Variants in H2BN1 observed in about 807,000 individuals in gnomAD.
H2BN1 encodes H2B.N variant histone 1.
chr17:32,903,768 T>G, the H2BN1 span, among the ~76,000 whole-genome samples: 1 of 152,210 alleles, frequency 6.6e-6, no homozygotes, highest in South Asian at 2.1e-4. Context: ...TTACATAAAC[T>G]CTGGCAAGTA....
At chr17:32,903,963 T>A in the H2BN1 span, among the ~76,000 whole-genome samples, 10 of 152,370 alleles carry the variant, frequency 6.6e-5, no homozygotes, top group Admixed American at 5.9e-4. Context: ...CTAAGTTGTT[T>A]CACCCTCTTA....
chr17:32,897,105 G>A, the H2BN1 span, among the ~76,000 whole-genome samples: 2 of 152,260 alleles, frequency 1.3e-5, no homozygotes, highest in South Asian at 4.1e-4. Context: ...GATATTGGTT[G>A]GATAAATGTA....
chr17:32,897,042 G>T, the H2BN1 span, among the ~76,000 whole-genome samples: 699 of 152,240 alleles, frequency 4.6e-3, 9 homozygotes, highest in African/African-American at 0.015. Flanking sequence ...ACCTCCCAAG[G>T]CTTGGGTCTG....
At chr17:32,899,666 A>T in the H2BN1 span, among the ~76,000 whole-genome samples, 1 of 152,240 alleles carries the variant, frequency 6.6e-6, no homozygotes, top group African/African-American at 2.4e-5. Flanking sequence ...AATACTCATA[A>T]ATAGTTTGTA....
chr17:32,899,149 C>T, the H2BN1 span, among the ~76,000 whole-genome samples: 13 of 152,158 alleles, frequency 8.5e-5, no homozygotes, highest in East Asian at 1.9e-3. Context: ...TTATTAAAGA[C>T]AAATCATGGT....
At chr17:32,901,277 A>G in the H2BN1 span, among the ~76,000 whole-genome samples, 2 of 152,172 alleles carry the variant, frequency 1.3e-5, no homozygotes, top group African/African-American at 4.8e-5. Flanking sequence ...ACTTTTATTA[A>G]GGAGTCAGTT....
chr17:32,897,072 A>C, the H2BN1 span, among the ~76,000 whole-genome samples: 2 of 152,154 alleles, frequency 1.3e-5, no homozygotes, highest in Non-Finnish European at 2.9e-5. Context: ...TCACTGTCTC[A>C]GGGCACTGTA....
chr17:32,895,892 A>T, the H2BN1 span, among the ~76,000 whole-genome samples: 1 of 151,966 alleles, frequency 6.6e-6, no homozygotes, highest in Non-Finnish European at 1.5e-5. Context: ...TAAATCTGTA[A>T]ACTGATTCTT....
the H2BN1 span, among the ~76,000 whole-genome samples, chr17:32,904,624 A>G: frequency 1.3e-5 from 2 of 152,186 alleles, no homozygotes; most frequent in African/African-American, 2.4e-5. Context: ...AGAACACCCC[A>G]AAAGGGGTGA....
the H2BN1 span, chr17:32,905,516 G>T: frequency 6.7e-6 from 1 of 149,092 alleles, no homozygotes; most frequent in African/African-American, 2.4e-5. Flanking sequence ...GTGTGTGGTT[G>T]TGTGTGTGTG....
chr17:32,897,681 G>A, the H2BN1 span, among the ~76,000 whole-genome samples: 4 of 152,050 alleles, frequency 2.6e-5, no homozygotes, highest in Non-Finnish European at 5.9e-5. Flanking sequence ...CTTACAGGAT[G>A]GATAGGATCT....
At chr17:32,900,803 G>A in the H2BN1 span, among the ~76,000 whole-genome samples, 2 of 151,916 alleles carry the variant, frequency 1.3e-5, no homozygotes, top group Admixed American at 6.6e-5. Context: ...GGATGGTCTC[G>A]ATCTCCTGAC....
At chr17:32,904,948 C>T in the H2BN1 span, among the ~76,000 whole-genome samples, 1 of 152,136 alleles carries the variant, frequency 6.6e-6, no homozygotes, top group East Asian at 1.9e-4. Context: ...GAACAAACAA[C>T]AACAACAAAA....
At chr17:32,906,133 A>G in the H2BN1 span, 1 of 152,122 alleles carries the variant, frequency 6.6e-6, no homozygotes, top group African/African-American at 2.4e-5. Context: ...TCAGACCACA[A>G]CTGTTCACTG....
the H2BN1 span, among the ~76,000 whole-genome samples, chr17:32,904,420 G>A: frequency 6.6e-6 from 1 of 152,200 alleles, no homozygotes; most frequent in Non-Finnish European, 1.5e-5. Context: ...GGCATTTCCT[G>A]TAGACTGTGT....
At chr17:32,896,491 G>A in the H2BN1 span, among the ~76,000 whole-genome samples, 1 of 152,156 alleles carries the variant, frequency 6.6e-6, no homozygotes, top group Non-Finnish European at 1.5e-5. Context: ...CTGAAATCTT[G>A]ACTGAATTTT....
the H2BN1 span, among the ~76,000 whole-genome samples, chr17:32,900,925 C>T: frequency 2.4e-4 from 36 of 151,776 alleles, no homozygotes; most frequent in South Asian, 1.7e-3. Context: ...ATTTTAATCT[C>T]GGCCAGGTGT....
the H2BN1 span, among the ~76,000 whole-genome samples, chr17:32,899,626 T>G: frequency 3.3e-5 from 5 of 152,252 alleles, no homozygotes; most frequent in African/African-American, 1.2e-4. Flanking sequence ...TACTGTACTT[T>G]TGTAAATAAC....
chr17:32,901,728 G>A, the H2BN1 span, among the ~76,000 whole-genome samples: 1 of 152,078 alleles, frequency 6.6e-6, no homozygotes, highest in Non-Finnish European at 1.5e-5. Context: ...AAAGGAGAAA[G>A]AAAACTGAAA....
Sources: allele counts gnomAD v4.1 joint callset (sites outside exome capture counted in the v4.1 genomes callset), GRCh38; gene constraint gnomAD v4.1.1; transcripts MANE v1.5; gene names NCBI Gene and HGNC (gene_info 2026-07-23, HGNC 2026-07-21).